RNF121: variants seen among roughly 807,000 people sequenced by gnomAD.
RNF121 encodes the protein E3 ubiquitin ligase RNF121.
Under a neutral mutation model 46.5 loss-of-function variants are expected in RNF121, and 21 were observed. That is an observed-to-expected ratio of 0.45 (90% CI 0.32 to 0.65). RNF121 has a LOEUF of 0.65. RNF121 is among the 30% of genes least tolerant of loss of function. The pLI, the probability that RNF121 is intolerant of heterozygous loss-of-function variation, is 0.04. For missense variants in RNF121, 346 were observed against 416.0 expected, an observed-to-expected ratio of 0.83 and a Z score of 1.46; for synonymous variants, 139 against 144.7, an observed-to-expected ratio of 0.96 and a Z score of 0.28.
At chr11:71,968,888 CTT>C (rs10686485) in intron 3 of RNF121, among the ~76,000 whole-genome samples, 15 of 134,592 alleles carry the variant, frequency 1.1e-4, no homozygotes, top group Admixed American at 2.4e-4. Context: ...TTCTTTCTTT[CTT>C]TTTTTTTTTT....
intron 6 of RNF121, among the ~76,000 whole-genome samples, chr11:71,992,971 G>C (rs768683021): frequency 3.3e-5 from 5 of 152,068 alleles, no homozygotes; most frequent in Non-Finnish European, 5.9e-5. Context: ...CCCCAAGAAG[G>C]AATATTTCCA....
intron 3 of RNF121, among the ~76,000 whole-genome samples, chr11:71,971,499 G>C (rs1401653112): frequency 6.6e-6 from 1 of 152,202 alleles, no homozygotes; most frequent in African/African-American, 2.4e-5. Flanking sequence ...ATGATAGGCA[G>C]AGTTAACTGA....
intron 1 of RNF121, among the ~76,000 whole-genome samples, chr11:71,944,453 A>C (rs1178607073): frequency 6.6e-6 from 1 of 152,264 alleles, no homozygotes; most frequent in Non-Finnish European, 1.5e-5. Flanking sequence ...AATCCAGGCA[A>C]GTAGGGCTTC....
At chr11:71,935,135 G>A (rs1953377139) in intron 1 of RNF121, among the ~76,000 whole-genome samples, 1 of 152,068 alleles carries the variant, frequency 6.6e-6, no homozygotes, top group Non-Finnish European at 1.5e-5. Context: ...GTTTCACCAT[G>A]TTGCTCAGAC....
At chr11:71,984,916 A>G (rs1474872324) in intron 4 of RNF121, among the ~76,000 whole-genome samples, 1 of 111,908 alleles carries the variant, frequency 8.9e-6, no homozygotes, top group Non-Finnish European at 2.0e-5. Context: ...GTGCTTTACA[A>G]TTTCAAAGCA....
chr11:71,986,698 G>C (rs1954777390), intron 4 of RNF121, among the ~76,000 whole-genome samples: 1 of 149,044 alleles, frequency 6.7e-6, no homozygotes, highest in Admixed American at 6.8e-5. Flanking sequence ...GAACTCAGGA[G>C]GTGGAGGTTG....
At chr11:71,929,471 C>T (rs189205797) in intron 1 of RNF121, among the ~76,000 whole-genome samples, 1 of 151,972 alleles carries the variant, frequency 6.6e-6, no homozygotes, top group East Asian at 1.9e-4. Context: ...TGAATTTCTT[C>T]AGGGGAAGGC....
chr11:71,975,131 C>T (rs1954502648), intron 3 of RNF121, among the ~76,000 whole-genome samples: 1 of 152,146 alleles, frequency 6.6e-6, no homozygotes, highest in Non-Finnish European at 1.5e-5. Context: ...GCAAAATCTC[C>T]TACCTGGAAA....
chr11:71,931,432 C>G (rs1462138563), intron 1 of RNF121, among the ~76,000 whole-genome samples: 1 of 152,138 alleles, frequency 6.6e-6, no homozygotes, highest in African/African-American at 2.4e-5. Context: ...CCTTCAAGCT[C>G]CAAAAATAAC....
Position 71,943,185 on chromosome 11 carries a change from G to C in RNF121, c.64-14042G>C, listed in dbSNP as rs1264184465. Among the ~76,000 whole-genome samples the C allele has an allele frequency of 2.0e-5, 3 of 152,330 alleles. No homozygotes were observed. In the East Asian group the frequency reaches 5.8e-4, roughly 29 times the overall value. On this transcript the variant is annotated intron_variant, in intron 1 of 8. Coordinates refer to ENST00000361756, the MANE Select transcript of RNF121 (RefSeq NM_018320.5). ...AGTGGATAAATTTAGAATATGTTTT[G>C]AAATAGAGCCTACAGGACTTGCTGG... is the stretch of plus-strand genomic sequence containing the variant.
At chr11:71,980,816 T>C (rs1349831914) in intron 3 of RNF121, among the ~76,000 whole-genome samples, 3 of 152,354 alleles carry the variant, frequency 2.0e-5, no homozygotes, top group East Asian at 3.8e-4. Context: ...AAATAGATAT[T>C]TGATTTCAAA....
At chr11:71,993,946 T>G (rs1338425581) in intron 6 of RNF121, among the ~76,000 whole-genome samples, 1 of 151,214 alleles carries the variant, frequency 6.6e-6, no homozygotes, top group Non-Finnish European at 1.5e-5. Flanking sequence ...GTTCACGCCA[T>G]TCTCCTGCCT....
Position 71,929,072 on chromosome 11 carries a change from T to C in RNF121, c.11T>C (p.Val4Ala), listed in dbSNP as rs780333625. 3 of 1,550,828 alleles carry C rather than the reference T, an allele frequency of 1.9e-6. No individual in the cohort carries two copies. Among genetic ancestry groups the C allele is most frequent in the Non-Finnish European group, 2.6e-6 (3 of 1,146,926 alleles). The change falls in exon 1 of 9, where the codon GTG becomes GCG. Residue 4 changes from valine to alanine, a missense_variant. Physicochemically the swap from Val to Ala is moderately conservative, Grantham distance 64 (BLOSUM62 0). Around this residue, in one of 2 missense-constraint regions of RNF121, gnomAD observed 60 missense variants for 32.2 expected, o/e 1.86. Transcript: ENST00000361756. ...GGGCGAGCCGTGAAGATGGCGGCAG[T>C]GGTGGAGGTGGAGGTTGGAGGTGGT... MAA[V>A]VEVEVGGGAA...
chr11:71,940,792 A>G (rs1182783829), intron 1 of RNF121, among the ~76,000 whole-genome samples: 1 of 152,240 alleles, frequency 6.6e-6, no homozygotes, highest in African/African-American at 2.4e-5. Context: ...GTGATGACAC[A>G]AAGGAGGGAG....
intron 1 of RNF121, 63 bp downstream of exon 1, chr11:71,929,187 A>G (rs377025326): frequency 1.3e-4 from 195 of 1,520,596 alleles, no homozygotes; most frequent in South Asian, 2.1e-4. Context: ...GCAGTGAGGT[A>G]TCGGGAGGTG....
At chr11:71,940,700 C>G (rs913825600) in intron 1 of RNF121, among the ~76,000 whole-genome samples, 30 of 152,182 alleles carry the variant, frequency 2.0e-4, no homozygotes, top group African/African-American at 7.0e-4. Context: ...GGCTCCTGCT[C>G]TCACGAGATT....
chr11:71,989,421 GT>G (rs1202909983), intron 5 of RNF121, among the ~76,000 whole-genome samples: 1 of 152,108 alleles, frequency 6.6e-6, no homozygotes, highest in Non-Finnish European at 1.5e-5. Flanking sequence ...TATAATTACA[GT>G]TTCTTTTTAC....
Position 71,960,891 on chromosome 11 carries a change from T to A in RNF121, c.243T>A (p.Asn81Lys). 2.5e-6 allele frequency: 4 copies of A among 1,613,492 alleles called. No homozygotes were observed. The highest frequency in any genetic ancestry group is 3.4e-6 in the Non-Finnish European group (4 of 1,179,710). The change falls in exon 3 of 9, where the codon AAT becomes AAA. Residue 81 changes from asparagine to lysine, a missense_variant and splice_region_variant. By Grantham distance (94) the Asn-to-Lys change is moderately conservative (BLOSUM62 0). Coordinates refer to ENST00000361756, the MANE Select transcript of RNF121 (RefSeq NM_018320.5). Reference protein sequence around the residue: ...QWKQRHPRSYNMVTLFQMWVV... With the variant: ...QWKQRHPRSYKMVTLFQMWVV... ...AGCAGAGGCACCCACGCTCCTACAA[T>A]GTAAGCCACTTTGCCTCTTACTTCT...
intron 1 of RNF121, among the ~76,000 whole-genome samples, chr11:71,936,640 C>T (rs1436565934): frequency 5.3e-5 from 8 of 152,100 alleles, no homozygotes; most frequent in South Asian, 2.1e-4. Flanking sequence ...GTGATCCACC[C>T]GCCTCGGCCT....
Sources: gnomAD v4.1 joint callset for allele counts (sites outside exome capture counted in the v4.1 genomes callset) on GRCh38, gnomAD v4.1.1 for gene constraint, gnomAD v4.1.1 regional missense constraint, MANE v1.5 for transcripts, NCBI Gene and HGNC (gene_info 2026-07-23, HGNC 2026-07-21) for gene names.